INTS14: variants seen among roughly 807,000 people sequenced by gnomAD.
INTS14 encodes UPF0464 protein C15orf44.
A neutral mutation model predicts 56.9 loss-of-function variants in INTS14; 27 were observed. The observed-to-expected ratio is 0.47, with a 90% CI of 0.35 to 0.65. The LOEUF (loss-of-function observed/expected upper bound fraction) is 0.65, where lower values mean the gene tolerates loss of function less well. INTS14 is among the 30% of genes least tolerant of loss of function. The pLI is 0.00. For synonymous variants in INTS14, 207 were observed against 236.2 expected (o/e 0.88, Z 1.13); for missense variants, 517 against 632.2 (o/e 0.82, Z 1.95).
At chr15:65,588,021 C>T (rs959962353) in intron 9 of INTS14, among the ~76,000 whole-genome samples, 1 of 152,032 alleles carries the variant, frequency 6.6e-6, no homozygotes, top group Admixed American at 6.6e-5. Flanking sequence ...GGCACAGTGG[C>T]TCGTGCCTGT....
rs1229446231 is a variant in INTS14 at position 65,598,963 on chromosome 15, G to C, written c.514C>G (p.Leu172Val). ...TTGTTTAAATCTATGAGACGTTCAAGGCATTCCAAGGAATCGGTGCTCTGG... is the reference window on the plus strand; with the variant it reads ...TTGTTTAAATCTATGAGACGTTCAACGCATTCCAAGGAATCGGTGCTCTGG... ...ELQSTDSLEC[L>V]ERLIDLNNGE... The change falls in exon 5 of 12, where the codon CTT (leucine) becomes GTT (valine). Residue 172 changes from leucine to valine, a missense_variant. Transcript: ENST00000313182. The C allele has an allele frequency of 1.2e-6, 2 of 1,613,680 alleles. No homozygotes were observed. Among genetic ancestry groups the C allele is most frequent in the Admixed American group, 1.7e-5 (1 of 59,948 alleles).
intron 10 of INTS14, among the ~76,000 whole-genome samples, chr15:65,583,364 G>A (rs1232807622): frequency 1.3e-5 from 2 of 152,098 alleles, no homozygotes; most frequent in Non-Finnish European, 2.9e-5. Context: ...AAGGAATGAA[G>A]TACTGATACA....
At chr15:65,592,087 C>T (rs1354588988) in intron 8 of INTS14, among the ~76,000 whole-genome samples, 2 of 152,254 alleles carry the variant, frequency 1.3e-5, no homozygotes, top group African/African-American at 4.8e-5. Flanking sequence ...GAGTCACTCA[C>T]AGCAGCACCA....
intron 6 of INTS14, among the ~76,000 whole-genome samples, chr15:65,597,212 A>G (rs1178153026): frequency 6.6e-6 from 1 of 152,232 alleles, no homozygotes. Context: ...CAAAAAGTAA[A>G]AAGACTGTTC....
In INTS14 at chr15:65,578,876, T is replaced by C. The variant is rs985683161; in HGVS notation, c.*532A>G. ...TGGTTGCTCTTTAAAAGTTAGAATCTCAAGAGATACCAAAAGCACTTAAGA... is the reference window on the plus strand; with the variant it reads ...TGGTTGCTCTTTAAAAGTTAGAATCCCAAGAGATACCAAAAGCACTTAAGA... On this transcript the variant is annotated 3_prime_UTR_variant, in exon 12 of 12. Transcript: ENST00000313182. 1 of 152,250 alleles carries C rather than the reference T, an allele frequency of 6.6e-6. No homozygotes were observed. The highest frequency in any genetic ancestry group is 1.5e-5 in the Non-Finnish European group (1 of 68,112). The allele number at this position is 152,250 out of a possible 1,614,324, so 9.4% of individuals were successfully genotyped here.
At chr15:65,606,910 A>G (rs1349057754) in intron 2 of INTS14, among the ~76,000 whole-genome samples, 2 of 152,186 alleles carry the variant, frequency 1.3e-5, no homozygotes, top group Non-Finnish European at 2.9e-5. Context: ...TCACTTTTCC[A>G]CAGAGAATTC....
At chr15:65,592,055 A>T (rs1357091600) in intron 8 of INTS14, among the ~76,000 whole-genome samples, 1 of 152,222 alleles carries the variant, frequency 6.6e-6, no homozygotes. Flanking sequence ...TGTGACCTAT[A>T]GGTCCTGTCA....
At chr15:65,607,579 A>C in intron 1 of INTS14, 137 bp from the exon 2 acceptor site, 1 of 986,996 alleles carries the variant, frequency 1.0e-6, no homozygotes, top group Non-Finnish European at 1.4e-6. Context: ...TAGAGAACTC[A>C]GTGAGAGGGA....
intron 2 of INTS14, 75 bp from the exon 3 acceptor site, chr15:65,605,311 C>A: frequency 8.5e-7 from 1 of 1,175,302 alleles, no homozygotes; most frequent in South Asian, 1.3e-5. Flanking sequence ...ATAAATTGTT[C>A]AAAGTATGAA....
At chr15:65,597,718 T>G (rs569082770) in intron 6 of INTS14, among the ~76,000 whole-genome samples, 4 of 152,330 alleles carry the variant, frequency 2.6e-5, no homozygotes, top group African/African-American at 9.6e-5. Context: ...TACTGCAAAG[T>G]ATAGAAGCTA....
chr15:65,610,219 A>G (rs2073844540), intron 1 of INTS14, among the ~76,000 whole-genome samples: 1 of 152,126 alleles, frequency 6.6e-6, no homozygotes, highest in South Asian at 2.1e-4. Context: ...AATTAGCCAG[A>G]TGTGGTGGCG....
At chr15:65,597,788 C>A (rs775192962) in intron 6 of INTS14, among the ~76,000 whole-genome samples, 12 of 152,134 alleles carry the variant, frequency 7.9e-5, no homozygotes, top group Non-Finnish European at 1.3e-4. Context: ...TATTAAGAAT[C>A]ATCTCAAAGA....
intron 2 of INTS14, among the ~76,000 whole-genome samples, chr15:65,606,252 C>CAAA (rs372473798): frequency 9.6e-5 from 6 of 62,406 alleles, no homozygotes; most frequent in African/African-American, 1.1e-4. Flanking sequence ...GACTCCGTCT[C>CAAA]AAAAAAAAAA....
intron 1 of INTS14, among the ~76,000 whole-genome samples, chr15:65,608,099 G>T (rs765763184): frequency 6.6e-6 from 1 of 152,134 alleles, no homozygotes; most frequent in Admixed American, 6.5e-5. Flanking sequence ...TGTAAGGTCG[G>T]GCACAGTGGC....
chr15:65,603,139 T>G (rs16948869), intron 3 of INTS14, among the ~76,000 whole-genome samples: 4,533 of 152,262 alleles, frequency 0.03, 244 homozygotes, highest in African/African-American at 0.1. Context: ...AAGTAATGCC[T>G]ATAAGCTGAG....
chr15:65,598,281 T>C (rs1258764947), intron 6 of INTS14, 40 bp downstream of exon 6: 2 of 1,581,150 alleles, frequency 1.3e-6, no homozygotes, highest in South Asian at 2.2e-5. Flanking sequence ...AAAGTAAGGA[T>C]AACAGAGAAA....
chr15:65,610,715 G>A (rs1182741519), intron 1 of INTS14: 1 of 1,535,640 alleles, frequency 6.5e-7, no homozygotes, highest in Non-Finnish European at 8.7e-7. Flanking sequence ...TCAGCCTCCG[G>A]GAGTCCCTCC....
intron 6 of INTS14, among the ~76,000 whole-genome samples, chr15:65,597,319 T>C (rs2073248594): frequency 6.6e-6 from 1 of 152,216 alleles, no homozygotes; most frequent in Non-Finnish European, 1.5e-5. Flanking sequence ...ACTGAACAAT[T>C]ACCTATTGGG....
chr15:65,609,489 C>A (rs1421338296), intron 1 of INTS14, among the ~76,000 whole-genome samples: 2 of 152,038 alleles, frequency 1.3e-5, no homozygotes, highest in Non-Finnish European at 2.9e-5. Flanking sequence ...AGGGACCATG[C>A]CACATTTTGC....
Sources: allele counts gnomAD v4.1 joint callset (sites outside exome capture counted in the v4.1 genomes callset), GRCh38; gene constraint gnomAD v4.1.1; transcripts MANE v1.5; gene names NCBI Gene and HGNC (gene_info 2026-07-23, HGNC 2026-07-21).